Variants in CFAP299 observed in about 807,000 individuals in gnomAD.
CFAP299 encodes the protein cilia and flagella associated protein 299, also known as cilia- and flagella-associated protein 299.
Under a neutral mutation model 27.0 loss-of-function variants are expected in CFAP299, and 21 were observed. That is an observed-to-expected ratio of 0.78 (90% CI 0.55 to 1.12). The LOEUF (loss-of-function observed/expected upper bound fraction) is 1.12. Among genes scored for constraint, CFAP299 ranks in the 50% most tolerant of loss-of-function variants. The pLI is 0.00. For missense variants in CFAP299, 310 were observed against 276.6 expected, an observed-to-expected ratio of 1.12 and a Z score of -0.86; for synonymous variants, 104 against 98.1, an observed-to-expected ratio of 1.06 and a Z score of -0.36.
chr4:80,716,105 A>T (rs1722464567), intron 3 of CFAP299, among the ~76,000 whole-genome samples: 1 of 152,084 alleles, frequency 6.6e-6, no homozygotes, highest in Non-Finnish European at 1.5e-5. Flanking sequence ...ACCCACAAAT[A>T]CAAATAAAGA....
rs985557758 is a variant in CFAP299, at chr4:80,652,711, A to G, written c.333+69528A>G. On this transcript the variant is annotated intron_variant, in intron 3 of 5. Transcript: ENST00000358105. ...TTTTCTCACACTGTGTTGACCAACTACACTTCTCATGTCTCTGTGCTGCCT... is the reference window on the plus strand; with the variant it reads ...TTTTCTCACACTGTGTTGACCAACTGCACTTCTCATGTCTCTGTGCTGCCT... Among the ~76,000 whole-genome samples the G allele has an allele frequency of 3.9e-5, 6 of 151,914 alleles. No individual in the cohort carries two copies. The East Asian group carries it at 7.7e-4, about 20-fold the overall frequency.
At chr4:80,571,836 C>T (rs1007644550) in intron 2 of CFAP299, among the ~76,000 whole-genome samples, 1 of 152,086 alleles carries the variant, frequency 6.6e-6, no homozygotes, top group African/African-American at 2.4e-5. Flanking sequence ...ACCATGCTGG[C>T]ACCCTGATCC....
chr4:80,619,960 G>A (rs79463865), intron 3 of CFAP299, among the ~76,000 whole-genome samples: 6,490 of 151,956 alleles, frequency 0.043, 437 homozygotes, highest in African/African-American at 0.14. Flanking sequence ...GAAACATATT[G>A]TTATATTAAT....
At chr4:80,438,019 C>T (rs1728175184) in intron 2 of CFAP299, among the ~76,000 whole-genome samples, 1 of 151,974 alleles carries the variant, frequency 6.6e-6, no homozygotes, top group Non-Finnish European at 1.5e-5. Flanking sequence ...GAGAAGTGAA[C>T]AAAACAGAAA....
intron 2 of CFAP299, among the ~76,000 whole-genome samples, chr4:80,430,437 G>C (rs1313392534): frequency 1.3e-5 from 2 of 152,140 alleles, no homozygotes; most frequent in Non-Finnish European, 2.9e-5. Context: ...AATTTCCTTT[G>C]CTGGTTCCTC....
chr4:80,534,661 G>GTATAAAGATA (rs1177527099), intron 2 of CFAP299, among the ~76,000 whole-genome samples: 1 of 152,040 alleles, frequency 6.6e-6, no homozygotes, highest in Non-Finnish European at 1.5e-5. Context: ...TATGTTTAAA[G>GTATAAAGATA]TATAAAGATA....
intron 2 of CFAP299, chr4:80,386,888 C>CTT (rs1331127687): frequency 3.5e-6 from 3 of 846,286 alleles, no homozygotes. Context: ...ACTCGCACAC[C>CTT]GAGCATTTGT....
intron 2 of CFAP299, among the ~76,000 whole-genome samples, chr4:80,558,655 C>T (rs759161950): frequency 1.6e-4 from 24 of 150,816 alleles, no homozygotes; most frequent in Non-Finnish European, 1.3e-4. Flanking sequence ...ATCCCAGATG[C>T]GACTTAGACT....
chr4:80,441,655 C>T (rs1471601476), intron 2 of CFAP299, among the ~76,000 whole-genome samples: 1 of 152,158 alleles, frequency 6.6e-6, no homozygotes, highest in Non-Finnish European at 1.5e-5. Context: ...AACTAATGTG[C>T]AAAATCACCA....
intron 3 of CFAP299, among the ~76,000 whole-genome samples, chr4:80,706,502 A>C (rs1721829222): frequency 6.6e-6 from 1 of 151,860 alleles, no homozygotes; most frequent in Non-Finnish European, 1.5e-5. Flanking sequence ...CCCAACATAA[A>C]CACATGCAAA....
chr4:80,444,581 A>G (rs766587038), intron 2 of CFAP299, among the ~76,000 whole-genome samples: 11 of 152,232 alleles, frequency 7.2e-5, no homozygotes, highest in Non-Finnish European at 1.6e-4. Flanking sequence ...AAACCCTACA[A>G]GAAAACCTAG....
intron 3 of CFAP299, among the ~76,000 whole-genome samples, chr4:80,813,772 C>A (rs1729279363): frequency 6.6e-6 from 1 of 151,808 alleles, no homozygotes; most frequent in Non-Finnish European, 1.5e-5. Flanking sequence ...CAAATCCTTG[C>A]CAAATGTGTA....
chr4:80,407,332 G>T (rs1242289492), intron 2 of CFAP299, among the ~76,000 whole-genome samples: 2 of 152,174 alleles, frequency 1.3e-5, no homozygotes, highest in African/African-American at 2.4e-5. Context: ...ACAAGTGTAT[G>T]GGTTGGCTGG....
intron 3 of CFAP299, among the ~76,000 whole-genome samples, chr4:80,645,480 T>A (rs1433116095): frequency 6.6e-6 from 1 of 152,146 alleles, no homozygotes; most frequent in Non-Finnish European, 1.5e-5. Flanking sequence ...ATTTGATACA[T>A]AAATACACAC....
intron 3 of CFAP299, among the ~76,000 whole-genome samples, chr4:80,712,183 G>C (rs1399225231): frequency 6.6e-6 from 1 of 152,132 alleles, no homozygotes; most frequent in Non-Finnish European, 1.5e-5. Context: ...GCTATGTTAT[G>C]TATTTAAGGC....
chr4:80,560,565 G>T (rs1196975986), intron 2 of CFAP299, among the ~76,000 whole-genome samples: 1 of 152,030 alleles, frequency 6.6e-6, no homozygotes, highest in Admixed American at 6.6e-5. Context: ...ACCTGCCCTA[G>T]GCCAGAGGGA....
intron 4 of CFAP299, among the ~76,000 whole-genome samples, chr4:80,874,201 G>A (rs184392993): frequency 5.8e-4 from 89 of 152,176 alleles, no homozygotes; most frequent in African/African-American, 1.8e-3. Flanking sequence ...TTCCAAATTC[G>A]AATATGGTGA....
chr4:80,739,799 GGCC>G (rs1724146628), intron 3 of CFAP299, among the ~76,000 whole-genome samples: 1 of 151,694 alleles, frequency 6.6e-6, no homozygotes, highest in African/African-American at 2.4e-5. Context: ...TCCTCATTAA[GGCC>G]AGGAACTCTT....
intron 4 of CFAP299, chr4:80,871,310 T>A: frequency 1.0e-6 from 1 of 985,448 alleles, no homozygotes; most frequent in South Asian, 4.7e-5. Flanking sequence ...GTCTTTTTGA[T>A]TTTTGGTTGT....
Sources: allele counts gnomAD v4.1 joint callset (sites outside exome capture counted in the v4.1 genomes callset), GRCh38; gene constraint gnomAD v4.1.1; transcripts MANE v1.5; gene names NCBI Gene and HGNC (gene_info 2026-07-23, HGNC 2026-07-21).